SPINK4: variants seen among roughly 807,000 people sequenced by gnomAD.
The protein encoded by SPINK4 is serine peptidase inhibitor Kazal type 4.
A neutral mutation model predicts 12.3 loss-of-function variants in SPINK4; 10 were observed. That is an observed-to-expected ratio of 0.81 (90% CI 0.50 to 1.37). The LOEUF is 1.37. Among genes scored for constraint, SPINK4 ranks in the 40% most tolerant of loss-of-function variants. SPINK4 has a pLI of 0.00. For missense variants in SPINK4, 91 were observed against 109.0 expected, an observed-to-expected ratio of 0.84 and a Z score of 0.73; for synonymous variants, 37 against 40.2, an observed-to-expected ratio of 0.92 and a Z score of 0.30.
intron 1 of SPINK4, among the ~76,000 whole-genome samples, chr9:33,241,150 C>G (rs1820230594): frequency 6.6e-6 from 1 of 152,004 alleles, no homozygotes; most frequent in African/African-American, 2.4e-5. Flanking sequence ...GGGAACAGCT[C>G]AGGTGCAAAG....
At chr9:33,242,069 G>A (rs183008430) in intron 1 of SPINK4, among the ~76,000 whole-genome samples, 1 of 152,132 alleles carries the variant, frequency 6.6e-6, no homozygotes, top group Non-Finnish European at 1.5e-5. Flanking sequence ...TAGTAGAGAC[G>A]GAGTTTCACC....
chr9:33,245,920 T>TC (rs1417540126), intron 2 of SPINK4, among the ~76,000 whole-genome samples: 1 of 152,202 alleles, frequency 6.6e-6, no homozygotes, highest in Non-Finnish European at 1.5e-5. Context: ...ATACAGCTAA[T>TC]CAGTGGCAAA....
intron 1 of SPINK4, among the ~76,000 whole-genome samples, chr9:33,241,914 T>C (rs1040939624): frequency 6.6e-6 from 1 of 152,106 alleles, no homozygotes; most frequent in Non-Finnish European, 1.5e-5. Flanking sequence ...GAGTCTTGCT[T>C]TGTTGCCCAG....
At position 33,244,546 on chromosome 9, in the gene SPINK4, T is replaced by G. The variant is rs1236061204; in HGVS notation, c.62-566T>G. Reference sequence around the variant, plus strand: ...CCTTTGTAACCACATCAACCCGACATGGGATATGGGCTGTTCCTGGGTAGT... The same window carrying G: ...CCTTTGTAACCACATCAACCCGACAGGGGATATGGGCTGTTCCTGGGTAGT... On this transcript the variant is annotated intron_variant, in intron 1 of 3. Coordinates refer to ENST00000379721, the MANE Select transcript of SPINK4 (RefSeq NM_014471.3). Among the ~76,000 whole-genome samples, 5 of 152,048 alleles carry G rather than the reference T, an allele frequency of 3.3e-5. No homozygotes were observed. The East Asian group carries it at 9.6e-4, about 29-fold the overall frequency.
At chr9:33,241,625 C>T (rs1256595454) in intron 1 of SPINK4, among the ~76,000 whole-genome samples, 4 of 152,220 alleles carry the variant, frequency 2.6e-5, no homozygotes, top group African/African-American at 7.2e-5. Flanking sequence ...CACCTACCTA[C>T]TCCTTGAGCA....
rs1273212121 is a variant in SPINK4, at chr9:33,240,248, G to A, written c.40G>A (p.Ala14Thr). The change falls in exon 1 of 4, where the codon GCC (alanine) becomes ACC (threonine). Residue 14 changes from alanine (A) to threonine (T), a missense_variant. Coordinates refer to ENST00000379721, the MANE Select transcript of SPINK4 (RefSeq NM_014471.3). ...GTGGGTAATCGCCCTGGCCTTGGCT[G>A]CCCTCCTTGTTGTGGACAGGGGTGA... ...RQWVIALALA[A>T]LLVVDREVPV... The A allele has an allele frequency of 1.2e-6, 2 of 1,604,692 alleles. No individual in the cohort carries two copies. The highest frequency in any genetic ancestry group is 4.5e-5 in the East Asian group (2 of 43,990).
chr9:33,242,837 A>G (rs1474252131), intron 1 of SPINK4, among the ~76,000 whole-genome samples: 1 of 150,600 alleles, frequency 6.6e-6, no homozygotes, highest in Non-Finnish European at 1.5e-5. Context: ...AAATTCCCCT[A>G]TGTCAGTCAA....
chr9:33,243,696 G>C (rs62546680), intron 1 of SPINK4, among the ~76,000 whole-genome samples: 13,114 of 152,168 alleles, frequency 0.086, 652 homozygotes, highest in African/African-American at 0.14. Context: ...ATCACTTTCA[G>C]TTTGGGCAAT....
At chr9:33,242,922 C>T (rs1820251699) in intron 1 of SPINK4, among the ~76,000 whole-genome samples, 1 of 150,522 alleles carries the variant, frequency 6.6e-6, no homozygotes, top group African/African-American at 2.5e-5. Flanking sequence ...GTTGCCCAGG[C>T]TGGAGTGCAG....
intron 3 of SPINK4, 111 bp from the exon 4 acceptor site, chr9:33,248,315 G>A: frequency 2.8e-6 from 3 of 1,075,060 alleles, no homozygotes; most frequent in Non-Finnish European, 2.8e-6. Flanking sequence ...TCCATACACT[G>A]CATATGTGGG....
downstream of SPINK4, chr9:33,248,567 A>ACCACTTCACTCAGTT: frequency 6.9e-7 from 1 of 1,442,238 alleles, no homozygotes; most frequent in Non-Finnish European, 9.6e-7. Flanking sequence ...AGCCCAACTG[A>ACCACTTCACTCAGTT]GTGAAGTGGT....
intron 3 of SPINK4, 150 bp downstream of exon 3, chr9:33,246,878 A>T: frequency 3.1e-6 from 2 of 648,606 alleles, no homozygotes; most frequent in Non-Finnish European, 5.4e-6. Flanking sequence ...AATGAGTGCC[A>T]GATTAACTCA....
intron 1 of SPINK4, among the ~76,000 whole-genome samples, chr9:33,242,020 C>T (rs536015588): frequency 6.6e-6 from 1 of 152,296 alleles, no homozygotes; most frequent in Non-Finnish European, 1.5e-5. Context: ...GCTGGGATTA[C>T]AGGCACATGC....
intron 1 of SPINK4, among the ~76,000 whole-genome samples, chr9:33,243,788 A>T (rs1820261569): frequency 6.6e-6 from 1 of 152,158 alleles, no homozygotes; most frequent in Admixed American, 6.5e-5. Context: ...TAAACAGCAC[A>T]TTGGGGTGAC....
chr9:33,243,510 A>C (rs1382328671), intron 1 of SPINK4, among the ~76,000 whole-genome samples: 1 of 152,190 alleles, frequency 6.6e-6, no homozygotes, highest in Non-Finnish European at 1.5e-5. Flanking sequence ...GGCCTGTTCT[A>C]GGATTTCACA....
intron 1 of SPINK4, 27 bp downstream of exon 1, chr9:33,240,296 G>A: frequency 6.3e-7 from 1 of 1,578,180 alleles, no homozygotes; most frequent in Non-Finnish European, 8.6e-7. Context: ...TGGATTCTCT[G>A]TGGCTTTGTG....
chr9:33,243,011 G>A (rs763383683), intron 1 of SPINK4, among the ~76,000 whole-genome samples: 1 of 151,790 alleles, frequency 6.6e-6, no homozygotes, highest in Non-Finnish European at 1.5e-5. Context: ...AAGTAGCTGG[G>A]ACTACAGGTG....
chr9:33,247,506 G>A (rs1820298663), intron 3 of SPINK4, among the ~76,000 whole-genome samples: 1 of 152,064 alleles, frequency 6.6e-6, no homozygotes, highest in African/African-American at 2.4e-5. Flanking sequence ...GGGCACACAG[G>A]AATAAGTAGA....
chr9:33,243,863 A>G (rs2117876960), intron 1 of SPINK4, among the ~76,000 whole-genome samples: 1 of 152,290 alleles, frequency 6.6e-6, no homozygotes, highest in Admixed American at 6.5e-5. Context: ...CCAGGAAAAT[A>G]TAAAACTACA....
Sources: gnomAD v4.1 joint callset for allele counts (sites outside exome capture counted in the v4.1 genomes callset) on GRCh38, gnomAD v4.1.1 for gene constraint, MANE v1.5 for transcripts, NCBI Gene and HGNC (gene_info 2026-07-23, HGNC 2026-07-21) for gene names.